DPYSL2: variants seen among roughly 807,000 people sequenced by gnomAD.
DPYSL2 encodes the protein dihydropyrimidinase-related protein 2.
In DPYSL2, 13 loss-of-function variants were observed where a neutral mutation model predicts 69.9. The observed-to-expected ratio is 0.19, with a 90% CI of 0.12 to 0.30. The LOEUF (loss-of-function observed/expected upper bound fraction) is 0.30. Among genes scored for constraint, DPYSL2 ranks in the 10% least tolerant of loss-of-function variants. The pLI is 1.00. For missense variants in DPYSL2, 587 were observed against 918.9 expected (o/e 0.64, Z 4.67); for synonymous variants, 326 against 359.1 (o/e 0.91, Z 1.04).
Position 26,621,828 on chromosome 8 carries a change from G to C in DPYSL2, c.629-2315G>C, listed in dbSNP as rs1429156120. 2.6e-5 allele frequency among the ~76,000 whole-genome samples: 4 copies of C among 152,140 alleles called. No individual in the cohort carries two copies. In the East Asian group the frequency reaches 7.7e-4, roughly 29 times the overall value. Reference sequence around the variant, plus strand: ...CAGGTCAGGGATAAAGAGTACCTTGGAGAGATCAACTAGGACCGGATCTGA... The same window carrying C: ...CAGGTCAGGGATAAAGAGTACCTTGCAGAGATCAACTAGGACCGGATCTGA... On this transcript the variant is annotated intron_variant, in intron 3 of 13. Coordinates refer to ENST00000521913, the MANE Select transcript of DPYSL2 (RefSeq NM_001197293.3). The surrounding 1 kb of genome is among the most constrained non-coding windows in gnomAD (Gnocchi z 4.9).
At position 26,573,703 on chromosome 8, in the gene DPYSL2, G is replaced by C. The variant is rs567348675; in HGVS notation, c.355-8266G>C. On this transcript the variant is annotated intron_variant, in intron 1 of 13. Transcript: ENST00000521913. ...AAAAAAAAAATTACCTGGGCGTGGT[G>C]GTGGGCACCTGTAATCCCAGCTACT... Among the ~76,000 whole-genome samples the C allele has an allele frequency of 5.8e-4, 88 of 151,136 alleles. No individual in the cohort carries two copies. The Middle Eastern group carries it at 0.01, about 18-fold the overall frequency.
chr8:26,653,581 C>T lies in DPYSL2; in HGVS notation c.1942+184C>T, dbSNP rs1803322719. ...TATTTTCTTTTTCTTTTTTTTGAGG[C>T]AGGGTCTCGCTCTGTTACCCAGACT... On this transcript the variant is annotated intron_variant, in intron 13 of 13. Coordinates refer to ENST00000521913, the MANE Select transcript of DPYSL2 (RefSeq NM_001197293.3). The surrounding 1 kb of genome is among the most constrained non-coding windows in gnomAD (Gnocchi z 5.7). Among the ~76,000 whole-genome samples the T allele has an allele frequency of 6.6e-6, 1 of 152,040 alleles. No homozygotes were observed. Among genetic ancestry groups the T allele is most frequent in the Admixed American group, 6.5e-5 (1 of 15,268 alleles).
At position 26,621,144 on chromosome 8, in the gene DPYSL2, G is replaced by A. The variant is rs138857259; in HGVS notation, c.629-2999G>A. 6.8e-3 allele frequency among the ~76,000 whole-genome samples: 1,042 copies of A among 152,126 alleles called. 17 individuals are homozygous for A. Among genetic ancestry groups the A allele is most frequent in the African/African-American group, 0.024 (996 of 41,468 alleles). ...TTTTGGGGGAAGAAAGTGGACTATA[G>A]ATAAAGAAATAGAATAAGGTATAAT... On this transcript the variant is annotated intron_variant, in intron 3 of 13. Transcript: ENST00000521913. This position sits in a 1 kb window ranked among gnomAD's most constrained non-coding sequence, Gnocchi z 4.9.
intron 1 of DPYSL2, among the ~76,000 whole-genome samples, chr8:26,518,753 A>T (rs1178333843): frequency 6.6e-6 from 1 of 152,246 alleles, no homozygotes; most frequent in African/African-American, 2.4e-5. Flanking sequence ...CTTAAGGTTC[A>T]TCTGTGTTGT....
At chr8:26,578,016 TC>T (rs71216761) in intron 1 of DPYSL2, 73 of 1,339,548 alleles carry the variant, frequency 5.4e-5, no homozygotes, top group East Asian at 2.2e-4. Context: ...TCTCTCTCTC[TC>T]TTTTTTTTCC....
rs1385875436 is a variant in DPYSL2, at chr8:26,586,992, C to A, written c.628+3009C>A. 1.3e-5 allele frequency among the ~76,000 whole-genome samples: 2 copies of A among 152,212 alleles called. No homozygotes were observed. The highest frequency in any genetic ancestry group is 2.4e-5 in the African/African-American group (1 of 41,446). ...ACTAACTACTTTTGCAAATAACCAC[C>A]TATGTTTACTGACCTCTGTAGAATT... is the stretch of plus-strand genomic sequence containing the variant. On this transcript the variant is annotated intron_variant, in intron 3 of 13. Transcript: ENST00000521913. The surrounding 1 kb of genome is among the most constrained non-coding windows in gnomAD (Gnocchi z 4.7).
At chr8:26,628,004 G>T in intron 7 of DPYSL2, 64 bp downstream of exon 7, 1 of 1,532,228 alleles carries the variant, frequency 6.5e-7, no homozygotes. Context: ...GAGCCTCAGG[G>T]AACCTGCTTC....
At chr8:26,543,130 A>G (rs937481296) in intron 1 of DPYSL2, among the ~76,000 whole-genome samples, 11 of 152,200 alleles carry the variant, frequency 7.2e-5, no homozygotes, top group African/African-American at 1.2e-4. Context: ...TTAATGTTCA[A>G]TTTAAACTGA....
At chr8:26,651,842 G>A (rs1803285956) in intron 11 of DPYSL2, among the ~76,000 whole-genome samples, 1 of 152,194 alleles carries the variant, frequency 6.6e-6, no homozygotes, top group Admixed American at 6.5e-5. Context: ...CTAGCCAGTG[G>A]GAAAACCTAC....
rs1458621071 is a variant in DPYSL2 at position 26,617,435 on chromosome 8, C to T, written c.629-6708C>T. On this transcript the variant is annotated intron_variant, in intron 3 of 13. Transcript: ENST00000521913. This position sits in a 1 kb window ranked among gnomAD's most constrained non-coding sequence, Gnocchi z 4.7. Reference sequence around the variant, plus strand: ...GCTTGAGCCCAGGAGATCAGGACTGCAGTGAGCTGTGATTGCACTACTGCA... The same window carrying T: ...GCTTGAGCCCAGGAGATCAGGACTGTAGTGAGCTGTGATTGCACTACTGCA... 6.6e-6 allele frequency among the ~76,000 whole-genome samples: 1 copy of T among 152,128 alleles called. No homozygotes were observed. Among genetic ancestry groups the T allele is most frequent in the East Asian group, 1.9e-4 (1 of 5,202 alleles).
At chr8:26,600,052 A>G (rs1032239129) in intron 3 of DPYSL2, among the ~76,000 whole-genome samples, 2 of 152,202 alleles carry the variant, frequency 1.3e-5, no homozygotes, top group African/African-American at 4.8e-5. Context: ...CCTTAGCATA[A>G]TGTTTTCAAG....
At position 26,516,190 on chromosome 8, in the gene DPYSL2, C is replaced by A. The variant is rs931616507; in HGVS notation, c.354+1511C>A. Among the ~76,000 whole-genome samples the A allele has an allele frequency of 2.0e-5, 3 of 152,186 alleles. No homozygotes were observed. The highest frequency in any genetic ancestry group is 4.4e-5 in the Non-Finnish European group (3 of 68,034). ...AAGGGAGTGTCTCATATCCATATTT[C>A]ACTATGAGTCAACCAGAAGAAACTA... On this transcript the variant is annotated intron_variant, in intron 1 of 13. Coordinates refer to ENST00000521913, the MANE Select transcript of DPYSL2 (RefSeq NM_001197293.3). This position sits in a 1 kb window ranked among gnomAD's most constrained non-coding sequence, Gnocchi z 4.8.
At chr8:26,550,402 A>G (rs1800855148) in intron 1 of DPYSL2, among the ~76,000 whole-genome samples, 1 of 152,108 alleles carries the variant, frequency 6.6e-6, no homozygotes, top group South Asian at 2.1e-4. Flanking sequence ...AAGGACAAAA[A>G]TATAAAATAG....
rs1802643732 is a variant in DPYSL2 at position 26,627,410 on chromosome 8, G to A, written c.936+115G>A. On this transcript the variant is annotated intron_variant, in intron 6 of 13. Transcript: ENST00000521913. The surrounding 1 kb of genome is among the most constrained non-coding windows in gnomAD (Gnocchi z 6.9). ...CAAGGTGGAAAAGCAGAGGGACCTGGTGTTCCCTTGCTGGAGCTCTGCTCA... is the reference window on the plus strand; with the variant it reads ...CAAGGTGGAAAAGCAGAGGGACCTGATGTTCCCTTGCTGGAGCTCTGCTCA... 3 of 1,079,212 alleles carry A rather than the reference G, an allele frequency of 2.8e-6. No individual in the cohort carries two copies. The highest frequency in any genetic ancestry group is 3.1e-5 in the African/African-American group (2 of 64,308). 66.9% of individuals were successfully genotyped at this position (1,079,212 alleles called of 1,614,324 possible).
chr8:26,599,993 A>G (rs1332071959), intron 3 of DPYSL2, among the ~76,000 whole-genome samples: 1 of 152,168 alleles, frequency 6.6e-6, no homozygotes, highest in African/African-American at 2.4e-5. Context: ...TGGACATTTC[A>G]TATAAATGGA....
chr8:26,590,177 C>T (rs1046494386), intron 3 of DPYSL2, among the ~76,000 whole-genome samples: 1 of 152,210 alleles, frequency 6.6e-6, no homozygotes, highest in African/African-American at 2.4e-5. Flanking sequence ...TTTACAAAAA[C>T]GCCCGACCAC....
At position 26,650,267 on chromosome 8, in the gene DPYSL2, T is replaced by C. The variant is rs141225020; in HGVS notation, c.1597-1990T>C. Reference sequence around the variant, plus strand: ...AAAGTCACATAGCTGGTGAATGGCATACCTGGGGTGTGAACCCAGGGCAGA... The same window carrying C: ...AAAGTCACATAGCTGGTGAATGGCACACCTGGGGTGTGAACCCAGGGCAGA... On this transcript the variant is annotated intron_variant, in intron 11 of 13. Transcript: ENST00000521913. This position sits in a 1 kb window ranked among gnomAD's most constrained non-coding sequence, Gnocchi z 5.3. Among the ~76,000 whole-genome samples the C allele has an allele frequency of 1.4e-3, 206 of 152,294 alleles. 1 individual carries two copies. Among genetic ancestry groups the C allele is most frequent in the African/African-American group, 4.5e-3 (189 of 41,572 alleles).
intron 3 of DPYSL2, among the ~76,000 whole-genome samples, chr8:26,618,876 C>T (rs1377290353): frequency 2.0e-5 from 3 of 151,556 alleles, no homozygotes; most frequent in Admixed American, 6.6e-5. Context: ...GAGAATTGCT[C>T]GAACCCAGGA....
At chr8:26,579,963 C>CT (rs1449255233) in intron 1 of DPYSL2, among the ~76,000 whole-genome samples, 261 of 150,428 alleles carry the variant, frequency 1.7e-3, no homozygotes, top group African/African-American at 6.3e-3. Flanking sequence ...CGCCCCCCCC[C>CT]CCACACCCTT....
Sources: allele counts gnomAD v4.1 joint callset (sites outside exome capture counted in the v4.1 genomes callset), GRCh38; gene constraint gnomAD v4.1.1; non-coding constraint Gnocchi (gnomAD v3.1); transcripts MANE v1.5; gene names NCBI Gene and HGNC (gene_info 2026-07-23, HGNC 2026-07-21).